GPC5: variants seen among roughly 807,000 people sequenced by gnomAD.
GPC5 encodes glypican-5.
In GPC5, 47 loss-of-function variants were observed where a neutral mutation model predicts 53.9. The ratio of observed to expected loss-of-function variants is 0.87; its 90% confidence interval spans 0.69 to 1.11. The LOEUF (loss-of-function observed/expected upper bound fraction) is 1.11. Among genes scored for constraint, GPC5 ranks in the 50% most tolerant of loss-of-function variants. GPC5 has a pLI of 0.00. For missense variants in GPC5, 748 were observed against 713.1 expected (o/e 1.05, Z -0.56); for synonymous variants, 286 against 263.3 (o/e 1.09, Z -0.84).
intron 7 of GPC5, among the ~76,000 whole-genome samples, chr13:92,405,078 GAAAT>G (rs1318301839): frequency 6.6e-6 from 1 of 150,508 alleles, no homozygotes; most frequent in Non-Finnish European, 1.5e-5. Context: ...ATTAAACATT[GAAAT>G]AAATGTGAGC....
chr13:92,282,415 T>C (rs1268803945), intron 7 of GPC5, among the ~76,000 whole-genome samples: 1 of 152,026 alleles, frequency 6.6e-6, no homozygotes, highest in Non-Finnish European at 1.5e-5. Context: ...AGATACTCCT[T>C]GAGAAGAGCA....
chr13:92,435,854 C>G (rs1021394921), intron 7 of GPC5, among the ~76,000 whole-genome samples: 1 of 152,164 alleles, frequency 6.6e-6, no homozygotes, highest in African/African-American at 2.4e-5. Context: ...TGGTAGAATG[C>G]ATTCAGGGAA....
At chr13:91,549,591 G>T (rs978833488) in intron 2 of GPC5, among the ~76,000 whole-genome samples, 2 of 152,058 alleles carry the variant, frequency 1.3e-5, no homozygotes, top group Non-Finnish European at 2.9e-5. Context: ...GATTAAAAGT[G>T]GGCCAAAGAC....
intron 7 of GPC5, among the ~76,000 whole-genome samples, chr13:92,516,152 A>AG (rs762785996): frequency 3.3e-5 from 5 of 152,112 alleles, no homozygotes; most frequent in Non-Finnish European, 5.9e-5. Flanking sequence ...TGTTAGGTAC[A>AG]GCTAATTTTT....
At chr13:92,585,029 G>T (rs1370360777) in intron 7 of GPC5, among the ~76,000 whole-genome samples, 1 of 152,214 alleles carries the variant, frequency 6.6e-6, no homozygotes, top group Non-Finnish European at 1.5e-5. Flanking sequence ...GTAAGGGGGG[G>T]CTCATGGAGA....
intron 7 of GPC5, among the ~76,000 whole-genome samples, chr13:92,373,926 G>T (rs532745542): frequency 4.5e-4 from 68 of 152,248 alleles, no homozygotes; most frequent in African/African-American, 1.6e-3. Context: ...GTAATGATTG[G>T]TATAATGTTG....
intron 7 of GPC5, among the ~76,000 whole-genome samples, chr13:92,163,881 C>T (rs956594612): frequency 6.6e-6 from 1 of 152,206 alleles, no homozygotes; most frequent in Non-Finnish European, 1.5e-5. Flanking sequence ...CACAGTTCCA[C>T]ATGGCTAGAG....
chr13:92,048,553 G>A (rs560168189), intron 6 of GPC5, among the ~76,000 whole-genome samples: 10 of 152,168 alleles, frequency 6.6e-5, no homozygotes, highest in Admixed American at 2.6e-4. Flanking sequence ...CACATCTATC[G>A]CTAATATATT....
At chr13:92,360,324 A>T (rs755902796) in intron 7 of GPC5, among the ~76,000 whole-genome samples, 1 of 151,748 alleles carries the variant, frequency 6.6e-6, no homozygotes, top group Non-Finnish European at 1.5e-5. Context: ...GGTTCAATAT[A>T]TGCAAATCAA....
At chr13:92,497,631 A>T (rs182770840) in intron 7 of GPC5, among the ~76,000 whole-genome samples, 1 of 152,180 alleles carries the variant, frequency 6.6e-6, no homozygotes, top group Admixed American at 6.5e-5. Context: ...TTTTTTTCTA[A>T]TTCTGTGAAG....
intron 7 of GPC5, among the ~76,000 whole-genome samples, chr13:92,268,348 C>T (rs988765676): frequency 2.1e-5 from 3 of 145,964 alleles, no homozygotes; most frequent in Non-Finnish European, 4.5e-5. Context: ...GTATATATCT[C>T]TTTCTATACT....
At chr13:92,367,166 T>A (rs930869154) in intron 7 of GPC5, among the ~76,000 whole-genome samples, 6 of 152,078 alleles carry the variant, frequency 3.9e-5, no homozygotes, top group African/African-American at 1.4e-4. Flanking sequence ...AATAAAAAAA[T>A]CCTCGGGCAG....
chr13:91,582,947 G>T (rs2032421919), intron 2 of GPC5, among the ~76,000 whole-genome samples: 1 of 152,016 alleles, frequency 6.6e-6, no homozygotes. Context: ...GTTGTAGTGA[G>T]CCGAGATCAT....
intron 7 of GPC5, among the ~76,000 whole-genome samples, chr13:92,362,773 C>A (rs1047287331): frequency 1.3e-5 from 2 of 151,776 alleles, no homozygotes; most frequent in Admixed American, 6.5e-5. Context: ...TTACACTTCT[C>A]TTCAGGTTAA....
At position 92,853,857 on chromosome 13, in the gene GPC5, C is replaced by A. The variant is rs141264672; in HGVS notation, c.1562-12425C>A. Among the ~76,000 whole-genome samples, 21 of 152,044 alleles carry A rather than the reference C, an allele frequency of 1.4e-4. No homozygotes were observed. In the East Asian group the frequency reaches 3.5e-3, roughly 25 times the overall value. ...CCCAGCACAGAATATCCAATAGTGC[C>A]GCATCAAAGGACATCATGATAAAAT... On this transcript the variant is annotated intron_variant, in intron 7 of 7. Coordinates refer to ENST00000377067, the MANE Select transcript of GPC5 (RefSeq NM_004466.6).
intron 7 of GPC5, among the ~76,000 whole-genome samples, chr13:92,154,942 T>C (rs763240767): frequency 6.6e-6 from 1 of 152,220 alleles, no homozygotes; most frequent in Non-Finnish European, 1.5e-5. Context: ...CGCATTATGA[T>C]TACTAAAATT....
chr13:92,374,772 G>T (rs1186052390), intron 7 of GPC5, among the ~76,000 whole-genome samples: 1 of 148,076 alleles, frequency 6.8e-6, no homozygotes, highest in Non-Finnish European at 1.5e-5. Context: ...GTTAGTGGGT[G>T]CAGCGCACCA....
rs573060480 is a variant in GPC5 at position 92,105,096 on chromosome 13, AT to A, written c.1402-39724del. Among the ~76,000 whole-genome samples the A allele has an allele frequency of 9.2e-4, 137 of 149,570 alleles. 1 individual carries two copies. The highest frequency in any genetic ancestry group is 3.5e-3 in the East Asian group (18 of 5,100). Reference sequence around the variant, plus strand: ...TAGGATATTCCTAACTTTTTAATTGATTTTTTTTTTCCTGCAAGGAAAAAAA... The same window carrying A: ...TAGGATATTCCTAACTTTTTAATTGATTTTTTTTTCCTGCAAGGAAAAAAA... On this transcript the variant is annotated intron_variant, in intron 6 of 7. Coordinates refer to ENST00000377067, the MANE Select transcript of GPC5 (RefSeq NM_004466.6).
chr13:91,472,325 T>C (rs1403100291), intron 2 of GPC5, among the ~76,000 whole-genome samples: 1 of 152,178 alleles, frequency 6.6e-6, no homozygotes, highest in East Asian at 1.9e-4. Context: ...TTTAAGGGCA[T>C]GATCTCTGGA....
Sources: allele counts gnomAD v4.1 joint callset (sites outside exome capture counted in the v4.1 genomes callset), GRCh38; gene constraint gnomAD v4.1.1; transcripts MANE v1.5; gene names NCBI Gene and HGNC (gene_info 2026-07-23, HGNC 2026-07-21).